SDK1: variants seen among roughly 807,000 people sequenced by gnomAD.
SDK1 encodes the protein sidekick cell adhesion molecule 1, also known as protein sidekick-1.
A neutral mutation model predicts 245.5 loss-of-function variants in SDK1; 157 were observed. The observed-to-expected ratio is 0.64, with a 90% CI of 0.56 to 0.73. The LOEUF is 0.73. Among genes scored for constraint, SDK1 ranks in the 30% least tolerant of loss-of-function variants. SDK1 has a pLI of 0.00. For missense variants in SDK1, 3,583 were observed against 3,002.3 expected, an observed-to-expected ratio of 1.19 and a Z score of -4.52; for synonymous variants, 1,647 against 1,278.5, an observed-to-expected ratio of 1.29 and a Z score of -6.15.
chr7:4,237,784 G>C lies in SDK1; in HGVS notation c.6130G>C (p.Gly2044Arg), dbSNP rs1786269143. 1.2e-6 allele frequency: 2 copies of C among 1,614,074 alleles called. No individual in the cohort carries two copies. Among genetic ancestry groups the C allele is most frequent in the Admixed American group, 3.3e-5 (2 of 60,012 alleles). The change falls in exon 42 of 45, where the codon GGA (glycine) becomes CGA (arginine). Residue 2044 changes from glycine to arginine, a missense_variant and splice_region_variant. Coordinates refer to ENST00000404826, the MANE Select transcript of SDK1 (RefSeq NM_152744.4). ...TAAGAAGTATAAGAACTGCAGCACA[G>C]GTGCAGGTCCAGCCCCTTCCTCGCG... ...QNKKYKNCST[G>R]KGISTMEESV...
chr7:3,611,509 C>A (rs1245405848), intron 1 of SDK1, among the ~76,000 whole-genome samples: 1 of 152,128 alleles, frequency 6.6e-6, no homozygotes, highest in Non-Finnish European at 1.5e-5. Flanking sequence ...TGTCCTAAAA[C>A]AATCATAGGT....
chr7:3,346,755 G>A (rs1451858904), intron 1 of SDK1, among the ~76,000 whole-genome samples: 1 of 128,208 alleles, frequency 7.8e-6, no homozygotes, highest in Non-Finnish European at 1.6e-5. Context: ...ATATATGTGT[G>A]TGTGTATATA....
intron 22 of SDK1, among the ~76,000 whole-genome samples, chr7:4,110,133 C>G (rs1015280126): frequency 6.6e-6 from 1 of 152,172 alleles, no homozygotes; most frequent in Non-Finnish European, 1.5e-5. Flanking sequence ...ACTCATCCTT[C>G]CCTGCCTAAG....
chr7:4,090,085 C>G (rs1191656559), intron 22 of SDK1, among the ~76,000 whole-genome samples: 2 of 152,180 alleles, frequency 1.3e-5, no homozygotes, highest in Non-Finnish European at 2.9e-5. Context: ...CTGGGCACCT[C>G]CTGCTACACC....
chr7:3,928,170 G>T (rs1044549914), intron 5 of SDK1, among the ~76,000 whole-genome samples: 1 of 152,170 alleles, frequency 6.6e-6, no homozygotes, highest in Non-Finnish European at 1.5e-5. Context: ...AGAATTCTCC[G>T]TTAATATAAA....
chr7:3,998,796 A>C (rs1784863969), intron 14 of SDK1, among the ~76,000 whole-genome samples: 1 of 152,240 alleles, frequency 6.6e-6, no homozygotes. Flanking sequence ...GCTGTCTTCC[A>C]CGTGGAGTTC....
intron 43 of SDK1, 79 bp from the exon 44 acceptor site, chr7:4,245,597 C>A: frequency 6.5e-7 from 1 of 1,535,794 alleles, no homozygotes; most frequent in Non-Finnish European, 8.9e-7. Context: ...GCAATAAAGG[C>A]CAAATGCCAG....
intron 35 of SDK1, among the ~76,000 whole-genome samples, chr7:4,202,255 G>A (rs1003956628): frequency 4.6e-5 from 7 of 152,174 alleles, no homozygotes; most frequent in African/African-American, 7.2e-5. Context: ...CTAGACCCTG[G>A]TTAATATTCA....
At chr7:3,930,208 G>T (rs1186995358) in intron 5 of SDK1, among the ~76,000 whole-genome samples, 1 of 152,154 alleles carries the variant, frequency 6.6e-6, no homozygotes, top group Admixed American at 6.5e-5. Context: ...CTGTGGTGCT[G>T]GTTGTTGCTC....
intron 2 of SDK1, among the ~76,000 whole-genome samples, chr7:3,635,156 T>C (rs1782417311): frequency 6.6e-6 from 1 of 152,258 alleles, no homozygotes; most frequent in African/African-American, 2.4e-5. Flanking sequence ...ATAAATGGCA[T>C]TGGCTCTTTG....
chr7:3,634,338 T>C (rs1782391439), intron 2 of SDK1, among the ~76,000 whole-genome samples: 1 of 152,184 alleles, frequency 6.6e-6, no homozygotes, highest in Non-Finnish European at 1.5e-5. Flanking sequence ...GTTGGTCCAG[T>C]GGTCCACTCA....
rs1044513292 is a variant in SDK1 at position 3,524,631 on chromosome 7, A to G, written c.299-94449A>G. Among the ~76,000 whole-genome samples the G allele has an allele frequency of 3.9e-5, 6 of 152,294 alleles. No homozygotes were observed. In the South Asian group the frequency reaches 6.2e-4, roughly 16 times the overall value. ...TAACCCCAACGTTTTTAGTTGAGAA[A>G]TTGTGTTTTCACACACACTGAGATG... On this transcript the variant is annotated intron_variant, in intron 1 of 44. Transcript: ENST00000404826.
intron 1 of SDK1, among the ~76,000 whole-genome samples, chr7:3,339,624 T>C (rs73290068): frequency 6.7e-6 from 1 of 149,746 alleles, no homozygotes; most frequent in Non-Finnish European, 1.5e-5. Context: ...ACAGGAAAAT[T>C]TCTAAATAAC....
intron 4 of SDK1, among the ~76,000 whole-genome samples, chr7:3,775,648 C>T (rs1232119958): frequency 1.3e-5 from 2 of 151,334 alleles, no homozygotes; most frequent in Admixed American, 6.6e-5. Flanking sequence ...GTAATCTCGG[C>T]TCACTCCAAG....
chr7:3,579,126 C>G (rs1176930027), intron 1 of SDK1, among the ~76,000 whole-genome samples: 1 of 151,994 alleles, frequency 6.6e-6, no homozygotes, highest in East Asian at 1.9e-4. Flanking sequence ...AAAGTACTAT[C>G]TTCTACTGAA....
At chr7:3,980,825 C>G (rs1178173713) in intron 13 of SDK1, among the ~76,000 whole-genome samples, 1 of 151,926 alleles carries the variant, frequency 6.6e-6, no homozygotes, top group African/African-American at 2.4e-5. Context: ...ACCTGTAATC[C>G]CAGCTACTCA....
intron 1 of SDK1, among the ~76,000 whole-genome samples, chr7:3,480,781 G>A (rs186759410): frequency 5.3e-5 from 8 of 152,316 alleles, no homozygotes; most frequent in Non-Finnish European, 8.8e-5. Context: ...AGGATGCAGG[G>A]AGCCTCTAGA....
chr7:3,549,761 C>T lies in SDK1; in HGVS notation c.299-69319C>T, dbSNP rs574593549. Among the ~76,000 whole-genome samples the T allele has an allele frequency of 4.6e-4, 70 of 152,222 alleles. 1 individual carries two copies. In the South Asian group the frequency reaches 0.011, roughly 25 times the overall value. ...TTCTATAAACAGCTTTATTAATGCA[C>T]GTCAAGGCACTGTTCTCTACCATTT... On this transcript the variant is annotated intron_variant, in intron 1 of 44. Transcript: ENST00000404826.
intron 1 of SDK1, among the ~76,000 whole-genome samples, chr7:3,374,656 G>C (rs888158690): frequency 6.6e-6 from 1 of 151,844 alleles, no homozygotes; most frequent in African/African-American, 2.4e-5. Context: ...TACATATTCT[G>C]TTCCCTCTGC....
Sources: allele counts gnomAD v4.1 joint callset (sites outside exome capture counted in the v4.1 genomes callset), GRCh38; gene constraint gnomAD v4.1.1; transcripts MANE v1.5; gene names NCBI Gene and HGNC (gene_info 2026-07-23, HGNC 2026-07-21).